LRMDA: variants seen among roughly 807,000 people sequenced by gnomAD.
LRMDA encodes leucine-rich melanocyte differentiation-associated protein.
LRMDA carries 18 observed loss-of-function variants against 29.8 expected under a neutral mutation model. The observed-to-expected ratio is 0.60, with a 90% CI of 0.42 to 0.90. The LOEUF is 0.90. Among genes scored for constraint, LRMDA ranks in the 40% least tolerant of loss-of-function variants. LRMDA has a pLI of 0.00. For synonymous variants in LRMDA, 125 were observed against 109.4 expected (o/e 1.14, Z -0.89); for missense variants, 273 against 273.9 (o/e 1.00, Z 0.02).
chr10:76,301,472 A>C (rs1037046909), intron 5 of LRMDA, among the ~76,000 whole-genome samples: 2 of 152,164 alleles, frequency 1.3e-5, no homozygotes, highest in Non-Finnish European at 2.9e-5. Context: ...AATACAGATC[A>C]TTGCCCTTGG....
At chr10:76,084,697 C>T (rs1010013257) in intron 5 of LRMDA, among the ~76,000 whole-genome samples, 1 of 152,060 alleles carries the variant, frequency 6.6e-6, no homozygotes, top group African/African-American at 2.4e-5. Flanking sequence ...GTATCTGGCA[C>T]TTAGTAGTAG....
chr10:75,704,046 G>T (rs1842338494), intron 2 of LRMDA, among the ~76,000 whole-genome samples: 1 of 152,284 alleles, frequency 6.6e-6, no homozygotes, highest in Admixed American at 6.5e-5. Flanking sequence ...ATTAGCAAAG[G>T]GTTTGCATTT....
intron 2 of LRMDA, among the ~76,000 whole-genome samples, chr10:75,884,935 G>A (rs919207042): frequency 6.6e-6 from 1 of 151,918 alleles, no homozygotes; most frequent in Non-Finnish European, 1.5e-5. Context: ...CAGGAGGCCT[G>A]GGGAGAACTC....
intron 5 of LRMDA, among the ~76,000 whole-genome samples, chr10:76,259,159 A>G (rs1458482988): frequency 6.6e-6 from 1 of 152,128 alleles, no homozygotes; most frequent in Non-Finnish European, 1.5e-5. Flanking sequence ...TGGCCATTCT[A>G]AATGGGGTGA....
At chr10:75,579,112 A>G (rs899381086) in intron 2 of LRMDA, among the ~76,000 whole-genome samples, 1 of 152,190 alleles carries the variant, frequency 6.6e-6, no homozygotes, top group Non-Finnish European at 1.5e-5. Flanking sequence ...AAACCCTTCA[A>G]AAAAATCAAT....
At chr10:75,975,923 CACCATT>C (rs2132443774) in intron 2 of LRMDA, among the ~76,000 whole-genome samples, 1 of 152,336 alleles carries the variant, frequency 6.6e-6, no homozygotes, top group South Asian at 2.1e-4. Flanking sequence ...TGGGCCAAGC[CACCATT>C]ACATATTTCT....
chr10:75,905,236 CTT>C (rs200409197), intron 2 of LRMDA, among the ~76,000 whole-genome samples: 21,658 of 132,752 alleles, frequency 0.16, 1,682 homozygotes, highest in Middle Eastern at 0.3. Context: ...TCTCCTGCCT[CTT>C]TTTTTTTTTT....
chr10:75,668,699 A>G (rs1335041216), intron 2 of LRMDA, among the ~76,000 whole-genome samples: 1 of 152,196 alleles, frequency 6.6e-6, no homozygotes, highest in Non-Finnish European at 1.5e-5. Context: ...CTTCACTTAA[A>G]TTTAAATATG....
At chr10:75,938,249 A>G (rs1275708080) in intron 2 of LRMDA, among the ~76,000 whole-genome samples, 2 of 152,190 alleles carry the variant, frequency 1.3e-5, no homozygotes, top group African/African-American at 2.4e-5. Flanking sequence ...ATTTTGAGCC[A>G]TTTAGTAACA....
chr10:75,735,298 G>A (rs1028745879), intron 2 of LRMDA, among the ~76,000 whole-genome samples: 73 of 152,112 alleles, frequency 4.8e-4, no homozygotes, highest in Non-Finnish European at 6.0e-4. Context: ...TGTTTTGGGG[G>A]GTGTTGATGT....
chr10:75,865,007 G>T (rs1473641581), intron 2 of LRMDA, among the ~76,000 whole-genome samples: 2 of 152,066 alleles, frequency 1.3e-5, no homozygotes, highest in Non-Finnish European at 1.5e-5. Context: ...AATGTCTCTA[G>T]AAAAATCTGT....
intron 5 of LRMDA, among the ~76,000 whole-genome samples, chr10:76,090,258 A>G (rs769218302): frequency 3.3e-5 from 5 of 152,120 alleles, no homozygotes; most frequent in Admixed American, 2.0e-4. Context: ...CATCAGCTCT[A>G]TCTTGCTCTG....
chr10:75,463,079 A>G (rs1844606501), intron 2 of LRMDA, among the ~76,000 whole-genome samples: 1 of 152,172 alleles, frequency 6.6e-6, no homozygotes, highest in African/African-American at 2.4e-5. Flanking sequence ...GAGAGGAGGC[A>G]GCGGATCTGA....
At position 76,423,705 on chromosome 10, in the gene LRMDA, C is replaced by T. The variant is rs1477921261; in HGVS notation, c.601+99220C>T. On this transcript the variant is annotated intron_variant, in intron 6 of 6. Transcript: ENST00000611255. ...CTGCTGTTTGGTAATAAATTCTAGT[C>T]CCCTTTTGACTTCGATCAAAATCTG... 7.2e-5 allele frequency among the ~76,000 whole-genome samples: 11 copies of T among 152,312 alleles called. 2 individuals carry two copies. The highest frequency in any genetic ancestry group is 2.4e-4 in the African/African-American group (10 of 41,564).
intron 2 of LRMDA, among the ~76,000 whole-genome samples, chr10:75,456,187 C>T (rs1383157272): frequency 6.6e-6 from 1 of 152,192 alleles, no homozygotes; most frequent in African/African-American, 2.4e-5. Context: ...GGGTGGAGGG[C>T]AGCCCATTCC....
intron 5 of LRMDA, among the ~76,000 whole-genome samples, chr10:76,262,659 G>A (rs948775817): frequency 3.9e-5 from 6 of 152,100 alleles, no homozygotes; most frequent in Non-Finnish European, 8.8e-5. Context: ...CCTAGGTTTG[G>A]GGAATGGGCA....
At chr10:76,007,332 A>G (rs17436819) in intron 2 of LRMDA, among the ~76,000 whole-genome samples, 53,987 of 151,390 alleles carry the variant, frequency 0.36, 11,505 homozygotes, top group Non-Finnish European at 0.48. Context: ...AGGGAAGCAG[A>G]CATCCTTTAG....
intron 2 of LRMDA, among the ~76,000 whole-genome samples, chr10:75,685,832 A>G (rs879656136): frequency 6.6e-6 from 1 of 152,252 alleles, no homozygotes; most frequent in East Asian, 1.9e-4. Context: ...AATAAACAAT[A>G]GTAATCACAA....
intron 2 of LRMDA, among the ~76,000 whole-genome samples, chr10:75,481,262 T>C (rs1378719057): frequency 2.6e-5 from 4 of 151,804 alleles, no homozygotes; most frequent in South Asian, 2.1e-4. Flanking sequence ...AATGTGAGGA[T>C]TGAAGGAATG....
Sources: gnomAD v4.1 joint callset for allele counts (sites outside exome capture counted in the v4.1 genomes callset) on GRCh38, gnomAD v4.1.1 for gene constraint, MANE v1.5 for transcripts, NCBI Gene and HGNC (gene_info 2026-07-23, HGNC 2026-07-21) for gene names.